The following C12orf42 variants were observed in gnomAD, a reference collection of about 807,000 sequenced individuals.
C12orf42 encodes the protein uncharacterized protein C12orf42.
A neutral mutation model predicts 21.6 loss-of-function variants in C12orf42; 25 were observed. The ratio of observed to expected loss-of-function variants is 1.16; its 90% CI spans 0.84 to 1.62. The LOEUF (loss-of-function observed/expected upper bound fraction) is 1.62, where lower values mean the gene tolerates loss of function less well. Among genes scored for constraint, C12orf42 ranks in the 40% most tolerant of loss-of-function variants. The pLI is 0.00. For missense variants in C12orf42, 483 were observed against 459.3 expected, an observed-to-expected ratio of 1.05 and a Z score of -0.47; for synonymous variants, 174 against 175.0, an observed-to-expected ratio of 0.99 and a Z score of 0.05.
At chr12:103,447,551 C>G (rs976107135) in intron 2 of C12orf42, among the ~76,000 whole-genome samples, 1 of 151,762 alleles carries the variant, frequency 6.6e-6, no homozygotes, top group East Asian at 1.9e-4. Context: ...TCCTAAAGAA[C>G]CATCCAAAAA....
chr12:103,266,889 A>G (rs932411991), downstream of C12orf42, among the ~76,000 whole-genome samples: 1 of 152,122 alleles, frequency 6.6e-6, no homozygotes, highest in African/African-American at 2.4e-5. Flanking sequence ...TCTGGGGAAA[A>G]TTCCAAGAAA....
At chr12:103,164,734 TA>T in the C12orf42 span, 1 of 455,526 alleles carries the variant, frequency 2.2e-6, no homozygotes, top group Non-Finnish European at 4.4e-6. Context: ...AATACTCCTT[TA>T]TTTATTCCAT....
At chr12:103,292,588 A>G (rs2036893171) in intron 4 of C12orf42, among the ~76,000 whole-genome samples, 2 of 152,092 alleles carry the variant, frequency 1.3e-5, no homozygotes, top group African/African-American at 4.8e-5. Flanking sequence ...AGTATTACTT[A>G]GTTACTTTTA....
chr12:103,265,735 C>T (rs1440851733), downstream of C12orf42, among the ~76,000 whole-genome samples: 1 of 152,114 alleles, frequency 6.6e-6, no homozygotes, highest in East Asian at 1.9e-4. Context: ...AGGCAGGAGT[C>T]AGCATCTCGT....
At chr12:103,301,236 C>A (rs1174214527), downstream of C12orf42, among the ~76,000 whole-genome samples, 4 of 152,140 alleles carry the variant, frequency 2.6e-5, no homozygotes, top group Non-Finnish European at 1.5e-5. Context: ...ATCTATCAAA[C>A]TCTGTGAATC....
At chr12:103,076,832 T>G in the C12orf42 span, among the ~76,000 whole-genome samples, 1 of 152,214 alleles carries the variant, frequency 6.6e-6, no homozygotes, top group Non-Finnish European at 1.5e-5. Context: ...AATTATTATG[T>G]ATCTCTTCTA....
intron 4 of C12orf42, among the ~76,000 whole-genome samples, chr12:103,277,361 A>G (rs2035832726): frequency 6.6e-6 from 1 of 152,226 alleles, no homozygotes; most frequent in South Asian, 2.1e-4. Flanking sequence ...GAAGGATGGC[A>G]TTATGTTACA....
chr12:103,356,316 T>C (rs2043549825), intron 4 of C12orf42, among the ~76,000 whole-genome samples: 1 of 152,116 alleles, frequency 6.6e-6, no homozygotes, highest in African/African-American at 2.4e-5. Flanking sequence ...TTTTTAAACA[T>C]GCCCACTAGA....
the C12orf42 span, among the ~76,000 whole-genome samples, chr12:103,106,472 T>C: frequency 6.6e-6 from 1 of 152,032 alleles, no homozygotes; most frequent in Non-Finnish European, 1.5e-5. Context: ...TTTGGGTTTG[T>C]TTAAAAAAAT....
At chr12:103,207,339 C>T in the C12orf42 span, among the ~76,000 whole-genome samples, 59 of 152,310 alleles carry the variant, frequency 3.9e-4, no homozygotes, top group African/African-American at 1.4e-3. Flanking sequence ...ATCCTGATAC[C>T]CAAGCACCAC....
At chr12:103,442,699 A>G (rs1303062667) in intron 2 of C12orf42, among the ~76,000 whole-genome samples, 1 of 152,276 alleles carries the variant, frequency 6.6e-6, no homozygotes, top group East Asian at 1.9e-4. Context: ...CTCTTAAATT[A>G]ACAAATAATA....
chr12:103,122,111 A>G, the C12orf42 span, among the ~76,000 whole-genome samples: 2 of 152,346 alleles, frequency 1.3e-5, no homozygotes, highest in Non-Finnish European at 2.9e-5. Context: ...GGCTGGAGGA[A>G]GAACTGTGGC....
At chr12:103,547,700 G>T in the C12orf42 span, 1 of 152,184 alleles carries the variant, frequency 6.6e-6, no homozygotes, top group Non-Finnish European at 1.5e-5. Flanking sequence ...ATTGTAAAAG[G>T]TACCACATTC....
the C12orf42 span, among the ~76,000 whole-genome samples, chr12:103,160,647 C>A: frequency 3.0e-3 from 451 of 152,314 alleles, 4 homozygotes; most frequent in Admixed American, 0.025. Flanking sequence ...AGCCACTGAA[C>A]AGTGCAACAC....
upstream of C12orf42, among the ~76,000 whole-genome samples, chr12:103,500,921 A>C (rs1955704371): frequency 6.6e-6 from 1 of 152,244 alleles, no homozygotes; most frequent in Non-Finnish European, 1.5e-5. Flanking sequence ...CTATTATAAG[A>C]AAGGCATTTG....
At chr12:103,259,748 C>T (rs2034798250) in intron 10 of C12orf42, among the ~76,000 whole-genome samples, 2 of 152,090 alleles carry the variant, frequency 1.3e-5, no homozygotes, top group South Asian at 2.1e-4. Flanking sequence ...TCACACATAC[C>T]CCTCTACCTC....
At chr12:103,196,141 C>T in the C12orf42 span, among the ~76,000 whole-genome samples, 1 of 152,024 alleles carries the variant, frequency 6.6e-6, no homozygotes, top group Non-Finnish European at 1.5e-5. Context: ...ACTTTGTTTT[C>T]ATTAGTTTCA....
At chr12:103,308,411 A>G (rs1156554804) in intron 4 of C12orf42, among the ~76,000 whole-genome samples, 1 of 152,196 alleles carries the variant, frequency 6.6e-6, no homozygotes, top group Non-Finnish European at 1.5e-5. Context: ...TATGCACTCA[A>G]TATGTTTTAC....
At chr12:103,270,433 T>G (rs992743793) in intron 5 of C12orf42, 37 of 151,960 alleles carry the variant, frequency 2.4e-4, no homozygotes, top group African/African-American at 8.2e-4. Context: ...ACTGTGAAAA[T>G]CTAAAGAAAA....
Sources: allele counts gnomAD v4.1 joint callset (sites outside exome capture counted in the v4.1 genomes callset), GRCh38; gene constraint gnomAD v4.1.1; transcripts MANE v1.5; gene names NCBI Gene and HGNC (gene_info 2026-07-23, HGNC 2026-07-21).